Variants in SPATA6 observed in about 807,000 individuals in gnomAD.
SPATA6 encodes spermatogenesis-associated protein 6.
A neutral mutation model predicts 65.3 loss-of-function variants in SPATA6; 56 were observed. The ratio of observed to expected loss-of-function variants is 0.86; its 90% CI spans 0.69 to 1.07. The LOEUF (loss-of-function observed/expected upper bound fraction) is 1.07. Among genes scored for constraint, SPATA6 ranks in the 50% least tolerant of loss-of-function variants. The probability of loss-of-function intolerance (pLI) is 0.00; values close to 1 mark genes in which losing one functional copy is unlikely to be tolerated. For synonymous variants in SPATA6, 199 were observed against 213.2 expected (o/e 0.93, Z 0.58); for missense variants, 590 against 594.8 (o/e 0.99, Z 0.08).
At chr1:48,303,316 C>G (rs1644984742) in intron 12 of SPATA6, among the ~76,000 whole-genome samples, 1 of 152,016 alleles carries the variant, frequency 6.6e-6, no homozygotes, top group Non-Finnish European at 1.5e-5. Flanking sequence ...AAATATACAA[C>G]AAATTTTTGT....
chr1:48,365,852 G>C (rs1175581467), intron 9 of SPATA6, among the ~76,000 whole-genome samples: 1 of 152,186 alleles, frequency 6.6e-6, no homozygotes, highest in Non-Finnish European at 1.5e-5. Flanking sequence ...TGGTGAGAGA[G>C]GGCATCCCTG....
At chr1:48,364,649 G>A (rs1233427205) in intron 9 of SPATA6, among the ~76,000 whole-genome samples, 1 of 152,052 alleles carries the variant, frequency 6.6e-6, no homozygotes, top group East Asian at 1.9e-4. Context: ...TGATGGGGTT[G>A]TTTTTTTCTT....
chr1:48,306,456 A>T (rs1167821954), intron 11 of SPATA6, among the ~76,000 whole-genome samples: 1 of 151,994 alleles, frequency 6.6e-6, no homozygotes, highest in Non-Finnish European at 1.5e-5. Flanking sequence ...TTTCTAATAG[A>T]CACATACAAG....
chr1:48,274,029 G>T, the SPATA6 span, among the ~76,000 whole-genome samples: 1 of 151,924 alleles, frequency 6.6e-6, no homozygotes, highest in Non-Finnish European at 1.5e-5. Flanking sequence ...TTTAATGATC[G>T]CCATTTTAAC....
chr1:48,437,787 A>G (rs6662830), intron 3 of SPATA6, among the ~76,000 whole-genome samples: 11,804 of 138,432 alleles, frequency 0.085, 622 homozygotes, highest in East Asian at 0.25. Flanking sequence ...AGAAATTGTA[A>G]TTTGCTTTTT....
chr1:48,321,732 C>T (rs757334873), intron 11 of SPATA6, among the ~76,000 whole-genome samples: 2 of 152,134 alleles, frequency 1.3e-5, no homozygotes, highest in South Asian at 4.1e-4. Context: ...TTCTCCTCAG[C>T]ACATGGATCA....
At chr1:48,385,782 G>A (rs553026770) in intron 8 of SPATA6, among the ~76,000 whole-genome samples, 2 of 152,168 alleles carry the variant, frequency 1.3e-5, no homozygotes, top group African/African-American at 4.8e-5. Flanking sequence ...GCTTTAGAGG[G>A]TGGTGGCATA....
chr1:48,325,516 T>C (rs1010092779), intron 11 of SPATA6: 23 of 1,223,204 alleles, frequency 1.9e-5, no homozygotes, highest in Admixed American at 3.4e-5. Context: ...TCATCCTCAC[T>C]GAATGTCACC....
At chr1:48,424,836 A>G (rs1187769293) in intron 3 of SPATA6, among the ~76,000 whole-genome samples, 1 of 152,138 alleles carries the variant, frequency 6.6e-6, no homozygotes, top group African/African-American at 2.4e-5. Flanking sequence ...TGATCAGATT[A>G]TTAGATATTT....
At chr1:48,265,830 G>T in the SPATA6 span, among the ~76,000 whole-genome samples, 2 of 152,140 alleles carry the variant, frequency 1.3e-5, no homozygotes, top group African/African-American at 2.4e-5. Flanking sequence ...ATAATCAAAA[G>T]CCTCATCAGC....
intron 3 of SPATA6, among the ~76,000 whole-genome samples, chr1:48,445,119 C>T (rs1438576832): frequency 6.6e-6 from 1 of 152,208 alleles, no homozygotes; most frequent in African/African-American, 2.4e-5. Context: ...GAAGATTCCA[C>T]ATTGGTTCAA....
chr1:48,397,366 T>C (rs775967753), intron 7 of SPATA6, among the ~76,000 whole-genome samples: 1 of 151,630 alleles, frequency 6.6e-6, no homozygotes, highest in Non-Finnish European at 1.5e-5. Flanking sequence ...TCTACCACAA[T>C]AGAAAAAGAA....
chr1:48,358,376 AAAT>A (rs1262704195), intron 10 of SPATA6, among the ~76,000 whole-genome samples: 37 of 151,496 alleles, frequency 2.4e-4, no homozygotes, highest in Non-Finnish European at 1.0e-4. Context: ...TTATAAAAGT[AAAT>A]AATATTTATT....
chr1:48,434,259 G>GAAA lies in SPATA6; in HGVS notation c.238+17290_238+17292dup, dbSNP rs530291772. 8.0e-3 allele frequency among the ~76,000 whole-genome samples: 884 copies of GAAA among 109,894 alleles called. 20 individuals carry two copies. Among genetic ancestry groups the GAAA allele is most frequent in the African/African-American group, 0.029 (769 of 26,646 alleles). The allele number at this position is 109,894 out of a possible 152,430, so 72.1% of individuals were successfully genotyped here. A position where few individuals can be genotyped will look rare whatever the true frequency, so the allele number is the denominator to read the frequency against. On this transcript the variant is annotated intron_variant, in intron 3 of 12. Transcript: ENST00000371847. ...ATGCACTAGAGATACAGCAGTGAAA[G>GAAA]AAAAAAAAAAAAAAAAAAACAGGAA... is the stretch of plus-strand genomic sequence containing the variant.
chr1:48,315,413 C>A (rs1472968388), intron 11 of SPATA6, among the ~76,000 whole-genome samples: 1 of 151,626 alleles, frequency 6.6e-6, no homozygotes, highest in Non-Finnish European at 1.5e-5. Flanking sequence ...CATAATCCAA[C>A]ATATAAACAG....
At chr1:48,377,958 C>T (rs1648112291) in intron 9 of SPATA6, among the ~76,000 whole-genome samples, 1 of 152,146 alleles carries the variant, frequency 6.6e-6, no homozygotes, top group Non-Finnish European at 1.5e-5. Context: ...ACAGATTTGG[C>T]TTCTCCATAT....
chr1:48,266,504 G>A, the SPATA6 span, among the ~76,000 whole-genome samples: 3 of 152,094 alleles, frequency 2.0e-5, no homozygotes, highest in African/African-American at 7.2e-5. Flanking sequence ...AATGAAATAA[G>A]TTAAATGCTT....
intron 4 of SPATA6, 109 bp downstream of exon 4, chr1:48,413,001 C>G (rs991683129): frequency 3.2e-6 from 1 of 307,772 alleles, no homozygotes; most frequent in African/African-American, 2.3e-5. Context: ...ATATAATACA[C>G]TATATTATAT....
intron 3 of SPATA6, among the ~76,000 whole-genome samples, chr1:48,429,631 A>G (rs935841983): frequency 1.3e-5 from 2 of 152,186 alleles, no homozygotes; most frequent in African/African-American, 2.4e-5. Context: ...AGTCAAAGGA[A>G]GAAAATAAAT....
Sources: gnomAD v4.1 joint callset for allele counts (sites outside exome capture counted in the v4.1 genomes callset) on GRCh38, gnomAD v4.1.1 for gene constraint, MANE v1.5 for transcripts, NCBI Gene and HGNC (gene_info 2026-07-23, HGNC 2026-07-21) for gene names.